NOVA1: variants seen among roughly 807,000 people sequenced by gnomAD.
NOVA1 encodes RNA-binding protein Nova-1.
In NOVA1, 7 loss-of-function variants were observed where a neutral mutation model predicts 38.0. The observed-to-expected ratio is 0.18, with a 90% confidence interval of 0.10 to 0.35. The LOEUF (loss-of-function observed/expected upper bound fraction) is 0.35, where lower values mean the gene tolerates loss of function less well. Ranked by LOEUF, NOVA1 falls within the 10% of genes least tolerant of loss-of-function variation. The probability of loss-of-function intolerance (pLI) is 1.00; values close to 1 mark genes in which losing one functional copy is unlikely to be tolerated. For missense variants in NOVA1, 460 were observed against 616.0 expected, an observed-to-expected ratio of 0.75 and a Z score of 2.68; for synonymous variants, 270 against 232.5, an observed-to-expected ratio of 1.16 and a Z score of -1.47.
At chr14:26,554,740 T>C (rs1026586272) in intron 2 of NOVA1, among the ~76,000 whole-genome samples, 1 of 152,168 alleles carries the variant, frequency 6.6e-6, no homozygotes, top group Non-Finnish European at 1.5e-5. Context: ...ACCAATGAGG[T>C]AGTGATTTTG....
In NOVA1 at chr14:26,444,278, G is replaced by T. The variant is rs550681342; in HGVS notation, c.*3681C>A. On this transcript the variant is annotated 3_prime_UTR_variant, in exon 5 of 5. Transcript: ENST00000539517. Reference sequence around the variant, plus strand: ...AAAATAAATCTCATACATTAGAAGTGGTACACAAAAAACGGGGATAAAATT... The same window carrying T: ...AAAATAAATCTCATACATTAGAAGTTGTACACAAAAAACGGGGATAAAATT... 1.3e-5 allele frequency: 2 copies of T among 151,828 alleles called. No individual in the cohort carries two copies. Among genetic ancestry groups the T allele is most frequent in the African/African-American group, 4.8e-5 (2 of 41,356 alleles). The allele number at this position is 151,828 out of a possible 1,614,324, so 9.4% of individuals were successfully genotyped here.
At chr14:26,590,570 C>A (rs2138809093) in intron 2 of NOVA1, among the ~76,000 whole-genome samples, 1 of 151,760 alleles carries the variant, frequency 6.6e-6, no homozygotes, top group Middle Eastern at 3.4e-3. Context: ...CAAAAAACTC[C>A]CAAACAATAC....
intron 3 of NOVA1, among the ~76,000 whole-genome samples, chr14:26,473,860 C>T (rs140709280): frequency 1.7e-4 from 26 of 152,096 alleles, no homozygotes; most frequent in Admixed American, 1.6e-3. Context: ...AGTAAATCCT[C>T]AAAATTCTAA....
chr14:26,494,577 C>A (rs935817191), intron 2 of NOVA1, among the ~76,000 whole-genome samples: 2 of 152,142 alleles, frequency 1.3e-5, no homozygotes, highest in African/African-American at 2.4e-5. Flanking sequence ...TTTTACCTTT[C>A]CTTTTCATGT....
intron 3 of NOVA1, among the ~76,000 whole-genome samples, chr14:26,475,716 C>A (rs1884932966): frequency 6.6e-6 from 1 of 152,014 alleles, no homozygotes; most frequent in African/African-American, 2.4e-5. Flanking sequence ...AACAGTGGAT[C>A]TTTTGGAATA....
chr14:26,597,205 G>T, intron 1 of NOVA1, 96 bp downstream of exon 1: 1 of 1,129,462 alleles, frequency 8.9e-7, no homozygotes, highest in Non-Finnish European at 1.1e-6. Flanking sequence ...GGCCGCGGGA[G>T]GGAGGGAGGG....
At chr14:26,570,583 G>A (rs898880453) in intron 2 of NOVA1, among the ~76,000 whole-genome samples, 1 of 152,072 alleles carries the variant, frequency 6.6e-6, no homozygotes, top group Non-Finnish European at 1.5e-5. Flanking sequence ...ATATGTGTAT[G>A]TGTACTGTAT....
At chr14:26,547,359 A>T (rs1374453839) in intron 2 of NOVA1, among the ~76,000 whole-genome samples, 1 of 152,122 alleles carries the variant, frequency 6.6e-6, no homozygotes, top group Non-Finnish European at 1.5e-5. Flanking sequence ...TGAAACACCG[A>T]CAGTTTATTT....
chr14:26,595,307 C>A, intron 2 of NOVA1, 103 bp downstream of exon 2: 1 of 1,128,968 alleles, frequency 8.9e-7, no homozygotes, highest in Non-Finnish European at 1.3e-6. Flanking sequence ...TAAATAAAGT[C>A]TCCAGTATTG....
intron 2 of NOVA1, among the ~76,000 whole-genome samples, chr14:26,587,308 T>TAAA (rs34853058): frequency 0.045 from 5,619 of 123,536 alleles, 138 homozygotes; most frequent in Non-Finnish European, 0.047. Context: ...CTAAAATATA[T>TAAA]AAAAAAAAAA....
intron 2 of NOVA1, among the ~76,000 whole-genome samples, chr14:26,490,867 T>G (rs1392668663): frequency 9.2e-6 from 1 of 108,626 alleles, no homozygotes; most frequent in Non-Finnish European, 2.0e-5. Context: ...TTTTTTTTTT[T>G]GAGACGGAGT....
chr14:26,480,186 G>T (rs1231153554), intron 2 of NOVA1, 43 bp from the exon 3 acceptor site: 2 of 1,522,510 alleles, frequency 1.3e-6, no homozygotes, highest in Non-Finnish European at 1.8e-6. Flanking sequence ...TCCACACTTT[G>T]CATTAAAAAA....
chr14:26,582,554 T>C (rs1460095346), intron 2 of NOVA1, among the ~76,000 whole-genome samples: 1 of 151,802 alleles, frequency 6.6e-6, no homozygotes, highest in Non-Finnish European at 1.5e-5. Context: ...TGAACAATTC[T>C]CAATTATGTA....
chr14:26,471,435 A>G (rs939239698), intron 4 of NOVA1, among the ~76,000 whole-genome samples: 3 of 151,630 alleles, frequency 2.0e-5, no homozygotes, highest in Non-Finnish European at 4.4e-5. Context: ...AAATAACCCC[A>G]TAAAGCCTTT....
At chr14:26,485,304 T>C (rs1885796790) in intron 2 of NOVA1, among the ~76,000 whole-genome samples, 1 of 152,106 alleles carries the variant, frequency 6.6e-6, no homozygotes. Context: ...AAAATATCTA[T>C]AAAGCCAGTA....
At chr14:26,490,682 T>G (rs1219952703) in intron 2 of NOVA1, among the ~76,000 whole-genome samples, 1 of 151,936 alleles carries the variant, frequency 6.6e-6, no homozygotes, top group African/African-American at 2.4e-5. Context: ...TCAAATGGTG[T>G]CTTTTTGTGT....
intron 4 of NOVA1, among the ~76,000 whole-genome samples, chr14:26,465,848 T>G (rs568734183): frequency 6.6e-6 from 1 of 152,122 alleles, no homozygotes; most frequent in African/African-American, 2.4e-5. Flanking sequence ...CCTATCCTCA[T>G]GCAATTTACT....
intron 2 of NOVA1, among the ~76,000 whole-genome samples, chr14:26,495,554 G>C (rs868797762): frequency 2.6e-5 from 4 of 151,848 alleles, no homozygotes; most frequent in Admixed American, 6.6e-5. Context: ...GTGCAGGTTA[G>C]TTACATATGT....
At chr14:26,551,535 T>C (rs1456795337) in intron 2 of NOVA1, among the ~76,000 whole-genome samples, 1 of 152,060 alleles carries the variant, frequency 6.6e-6, no homozygotes, top group African/African-American at 2.4e-5. Context: ...AGTATAAGTT[T>C]TAGAATCCTG....
Sources: gnomAD v4.1 joint callset for allele counts (sites outside exome capture counted in the v4.1 genomes callset) on GRCh38, gnomAD v4.1.1 for gene constraint, MANE v1.5 for transcripts, NCBI Gene and HGNC (gene_info 2026-07-23, HGNC 2026-07-21) for gene names.